The following FRRS1 variants were observed in gnomAD, a reference collection of about 807,000 sequenced individuals.
FRRS1 encodes ferric reductase 1.
In FRRS1, 51 loss-of-function variants were observed where a neutral mutation model predicts 70.7. The ratio of observed to expected loss-of-function variants is 0.72; its 90% CI spans 0.58 to 0.91. FRRS1 has a LOEUF of 0.91. FRRS1 is among the 40% of genes least tolerant of loss of function. FRRS1 has a pLI of 0.00. For missense variants in FRRS1, 672 were observed against 726.0 expected (o/e 0.93, Z 0.86); for synonymous variants, 225 against 238.7 (o/e 0.94, Z 0.53).
intron 7 of FRRS1, among the ~76,000 whole-genome samples, chr1:99,737,794 GT>G (rs1320705622): frequency 6.6e-6 from 1 of 152,090 alleles, no homozygotes; most frequent in African/African-American, 2.4e-5. Context: ...CCAGGCTGGA[GT>G]GCAGTGGCAC....
intron 7 of FRRS1, 86 bp from the exon 8 acceptor site, chr1:99,729,834 C>G: frequency 1.3e-6 from 1 of 796,000 alleles, no homozygotes; most frequent in Non-Finnish European, 2.1e-6. Context: ...ATCAGGAAAC[C>G]AAATATTATG....
intron 1 of FRRS1, 32 bp from the exon 2 acceptor site, chr1:99,749,033 A>G: frequency 3.3e-6 from 1 of 299,244 alleles, no homozygotes; most frequent in Middle Eastern, 1.0e-3. Flanking sequence ...ATCTCTTTTC[A>G]ATGCTGTTTT....
chr1:99,732,813 G>A (rs1388385569), intron 7 of FRRS1, among the ~76,000 whole-genome samples: 1 of 149,754 alleles, frequency 6.7e-6, no homozygotes, highest in African/African-American at 2.5e-5. Flanking sequence ...CTAAAGTTTT[G>A]CCAAAGGTTT....
chr1:99,711,091 A>T, intron 14 of FRRS1, 142 bp from the exon 15 acceptor site: 1 of 712,450 alleles, frequency 1.4e-6, no homozygotes. Flanking sequence ...CCAAATAGTT[A>T]ATTCAGACTT....
chr1:99,746,248 G>A (rs1461614652), intron 4 of FRRS1, among the ~76,000 whole-genome samples: 1 of 152,186 alleles, frequency 6.6e-6, no homozygotes, highest in Admixed American at 6.5e-5. Context: ...TTAAGGACAT[G>A]TAAGGCTCTT....
At position 99,707,790 on chromosome 1, in the gene FRRS1, T is replaced by C. The variant is rs980205666; in HGVS notation, c.*1238A>G. Among the ~76,000 whole-genome samples, 2 of 152,196 alleles carry C rather than the reference T, an allele frequency of 1.3e-5. No homozygotes were observed. The highest frequency in any genetic ancestry group is 6.5e-5 in the Admixed American group (1 of 15,276). On this transcript the variant is annotated 3_prime_UTR_variant, in exon 17 of 17. Coordinates refer to ENST00000646001, the MANE Select transcript of FRRS1 (RefSeq NM_001361041.2). ...GCACATATGAGATGTAGCCATAAAA[T>C]AGATGAATTCTTGAAATAAGGAATA... is the stretch of plus-strand genomic sequence containing the variant.
At chr1:99,715,726 G>A in intron 11 of FRRS1, 54 bp from the exon 12 acceptor site, 2 of 1,307,024 alleles carry the variant, frequency 1.5e-6, no homozygotes, top group South Asian at 2.4e-5. Flanking sequence ...AAAGAAAGGT[G>A]GTGTTGCAAC....
At chr1:99,764,656 T>C (rs555256496) in intron 1 of FRRS1, among the ~76,000 whole-genome samples, 381 of 152,326 alleles carry the variant, frequency 2.5e-3, no homozygotes, top group African/African-American at 8.9e-3. Flanking sequence ...TTTGAATCTG[T>C]CCATTAATGT....
intron 4 of FRRS1, 42 bp downstream of exon 4, chr1:99,747,252 T>G (rs773015827): frequency 9.6e-6 from 15 of 1,560,418 alleles, no homozygotes; most frequent in Non-Finnish European, 1.3e-5. Flanking sequence ...GGTCTGCACC[T>G]GTAACCTCCA....
chr1:99,706,841 A>G lies in FRRS1; in HGVS notation c.*2187T>C, dbSNP rs1654049144. Among the ~76,000 whole-genome samples, 1 of 152,088 alleles carries G rather than the reference A, an allele frequency of 6.6e-6. No individual in the cohort carries two copies. The highest frequency in any genetic ancestry group is 1.5e-5 in the Non-Finnish European group (1 of 68,006). On this transcript the variant is annotated 3_prime_UTR_variant, in exon 17 of 17. Transcript: ENST00000646001. ...CAGGAGGTGGAGGCTGCAGTGAGCC[A>G]ACATTGCACCACTGCACTCCAGCCT...
intron 4 of FRRS1, among the ~76,000 whole-genome samples, chr1:99,746,779 C>A (rs369040969): frequency 6.6e-6 from 1 of 152,054 alleles, no homozygotes; most frequent in South Asian, 2.1e-4. Flanking sequence ...TAAAGCAAAG[C>A]GGGGAAGAAT....
chr1:99,761,195 C>A (rs561012737), intron 1 of FRRS1, among the ~76,000 whole-genome samples: 7 of 152,088 alleles, frequency 4.6e-5, no homozygotes, highest in African/African-American at 1.4e-4. Flanking sequence ...GGTGCAATCT[C>A]GGCTCACTAC....
In FRRS1 at chr1:99,732,844, ATT is replaced by A. The variant is rs5776486; in HGVS notation, c.760-3098_760-3097del. ...GGTTTGGAGGGATATTTTTGAGACA[ATT>A]TTTTTTTTTTTTTTTGAGGCAGGAT... On this transcript the variant is annotated intron_variant, in intron 7 of 16. Transcript: ENST00000646001. Among the ~76,000 whole-genome samples the A allele has an allele frequency of 4.6e-3, 666 of 145,196 alleles. 1 individual carries two copies. Among genetic ancestry groups the A allele is most frequent in the Non-Finnish European group, 6.3e-3 (411 of 65,452 alleles).
At chr1:99,756,251 T>C (rs1310413558) in intron 1 of FRRS1, among the ~76,000 whole-genome samples, 8 of 152,298 alleles carry the variant, frequency 5.3e-5, no homozygotes, top group African/African-American at 1.9e-4. Flanking sequence ...ATTTATTTTG[T>C]CCACCCAAGA....
intron 4 of FRRS1, 92 bp downstream of exon 4, chr1:99,747,202 T>A: frequency 1.0e-6 from 1 of 988,394 alleles, no homozygotes; most frequent in Non-Finnish European, 1.5e-6. Context: ...CTGGGGGGAG[T>A]CAAAAGTTAT....
chr1:99,711,250 G>T, intron 14 of FRRS1: 1 of 299,810 alleles, frequency 3.3e-6, no homozygotes, highest in Non-Finnish European at 6.3e-6. Flanking sequence ...GTACCCAAAG[G>T]GTAGTGTTTC....
At chr1:99,741,283 C>T (rs1330003715) in intron 5 of FRRS1, among the ~76,000 whole-genome samples, 2 of 152,186 alleles carry the variant, frequency 1.3e-5, no homozygotes, top group African/African-American at 4.8e-5. Flanking sequence ...GTGCAGTATT[C>T]AATTCTTCCA....
At position 99,717,532 on chromosome 1, in the gene FRRS1, G is replaced by A; in HGVS notation, c.1121-7C>T. 1 of 1,567,540 alleles carries A rather than the reference G, an allele frequency of 6.4e-7. No homozygotes were observed. The highest frequency in any genetic ancestry group is 8.8e-7 in the Non-Finnish European group (1 of 1,137,718). ...GCCACAAACATTAAGGCACCTACAAGTGAGATAAATGCAATAGTAGACAAT... is the reference window on the plus strand; with the variant it reads ...GCCACAAACATTAAGGCACCTACAAATGAGATAAATGCAATAGTAGACAAT... On this transcript the variant is annotated splice_polypyrimidine_tract_variant and splice_region_variant and intron_variant, in intron 10 of 16. Coordinates refer to ENST00000646001, the MANE Select transcript of FRRS1 (RefSeq NM_001361041.2).
chr1:99,713,288 G>A (rs1654362654), intron 12 of FRRS1, among the ~76,000 whole-genome samples: 1 of 152,174 alleles, frequency 6.6e-6, no homozygotes, highest in African/African-American at 2.4e-5. Context: ...TTGAATCCAA[G>A]GAATCCAGCT....
Sources: gnomAD v4.1 joint callset for allele counts (sites outside exome capture counted in the v4.1 genomes callset) on GRCh38, gnomAD v4.1.1 for gene constraint, MANE v1.5 for transcripts, NCBI Gene and HGNC (gene_info 2026-07-23, HGNC 2026-07-21) for gene names.